The following FOXP1 variants were observed in gnomAD, a reference collection of about 807,000 sequenced individuals.
FOXP1 encodes forkhead box protein P1.
Under a neutral mutation model 98.2 loss-of-function variants are expected in FOXP1, and 15 were observed. That is an observed-to-expected ratio of 0.15 (90% CI 0.10 to 0.24). The LOEUF is 0.24. Among genes scored for constraint, FOXP1 ranks in the 10% least tolerant of loss-of-function variants. The pLI is 1.00. For missense variants in FOXP1, 633 were observed against 848.5 expected, an observed-to-expected ratio of 0.75 and a Z score of 3.15; for synonymous variants, 371 against 314.5, an observed-to-expected ratio of 1.18 and a Z score of -1.90.
At chr3:71,113,309 A>G (rs952240411) in intron 6 of FOXP1, among the ~76,000 whole-genome samples, 1 of 152,188 alleles carries the variant, frequency 6.6e-6, no homozygotes, top group Non-Finnish European at 1.5e-5. Flanking sequence ...GACCCTTTCA[A>G]GCTTACAATA....
chr3:71,352,457 C>A (rs1218032528), intron 4 of FOXP1, among the ~76,000 whole-genome samples: 2 of 107,902 alleles, frequency 1.9e-5, no homozygotes, highest in African/African-American at 3.5e-5. Context: ...GGCAACAGAG[C>A]GAGACTCCAT....
chr3:71,178,481 C>G (rs1641150013), intron 6 of FOXP1, among the ~76,000 whole-genome samples: 1 of 152,150 alleles, frequency 6.6e-6, no homozygotes, highest in Admixed American at 6.5e-5. Flanking sequence ...TGCAGTGGCT[C>G]ACTCATGCCT....
At chr3:71,223,827 C>G (rs1172096112) in intron 5 of FOXP1, among the ~76,000 whole-genome samples, 2 of 152,172 alleles carry the variant, frequency 1.3e-5, no homozygotes, top group South Asian at 4.2e-4. Context: ...CCAGGAGTAC[C>G]CCATTACTGC....
At chr3:71,506,863 G>C (rs958436098) in intron 2 of FOXP1, among the ~76,000 whole-genome samples, 1 of 152,208 alleles carries the variant, frequency 6.6e-6, no homozygotes, top group African/African-American at 2.4e-5. Context: ...ACACTTTACA[G>C]TTTCTCTAAA....
At chr3:71,346,309 T>C (rs972589465) in intron 4 of FOXP1, among the ~76,000 whole-genome samples, 1 of 152,128 alleles carries the variant, frequency 6.6e-6, no homozygotes, top group Non-Finnish European at 1.5e-5. Flanking sequence ...ACTGGAGCCA[T>C]GATATATAAA....
chr3:71,053,919 C>T (rs2050256200), intron 7 of FOXP1, 146 bp from the exon 8 acceptor site: 2 of 836,386 alleles, frequency 2.4e-6, no homozygotes, highest in Non-Finnish European at 4.0e-6. Flanking sequence ...GATGCAGCAA[C>T]AGATCCTATT....
chr3:71,130,866 C>T, intron 6 of FOXP1: 1 of 1,422,702 alleles, frequency 7.0e-7, no homozygotes, highest in Admixed American at 2.9e-5. Flanking sequence ...CTATTAATGC[C>T]ACACATATCT....
In FOXP1 at chr3:70,956,991, C is replaced by G. The variant is rs747314840; in HGVS notation, c.*2256G>C. 9 of 220,104 alleles carry G rather than the reference C, an allele frequency of 4.1e-5. No individual in the cohort carries two copies. The highest frequency in any genetic ancestry group is 7.3e-5 in the Non-Finnish European group (8 of 109,996). The allele number at this position is 220,104 out of a possible 1,614,324, so 13.6% of individuals were successfully genotyped here. On this transcript the variant is annotated 3_prime_UTR_variant, in exon 21 of 21. Transcript: ENST00000649528. ...ATGCCAAGATAAACCAAAATTAATA[C>G]AGTGATCACAGCACAGTTCTTAAAC...
chr3:71,001,191 G>A, intron 12 of FOXP1, 132 bp from the exon 13 acceptor site: 1 of 696,010 alleles, frequency 1.4e-6, no homozygotes, highest in South Asian at 1.5e-5. Flanking sequence ...GGGGTGGCCT[G>A]TCCTTTCCAT....
chr3:70,971,001 T>TCTC (rs1366727785), intron 18 of FOXP1, 196 bp from the exon 19 acceptor site: 2 of 591,146 alleles, frequency 3.4e-6, no homozygotes, highest in Non-Finnish European at 3.0e-6. Context: ...GGGTTGGACT[T>TCTC]CTCTATTCAA....
chr3:71,180,412 A>G (rs1184935994), intron 6 of FOXP1, among the ~76,000 whole-genome samples: 2 of 152,156 alleles, frequency 1.3e-5, no homozygotes, highest in South Asian at 4.1e-4. Flanking sequence ...TTGAGACATG[A>G]AAGTCTTTGC....
At chr3:71,513,831 C>T (rs1040142547) in intron 2 of FOXP1, among the ~76,000 whole-genome samples, 1 of 152,328 alleles carries the variant, frequency 6.6e-6, no homozygotes, top group Admixed American at 6.5e-5. Flanking sequence ...TACCTAATAG[C>T]TGCTGAAATG....
At chr3:71,103,911 C>G (rs1053223138) in intron 7 of FOXP1, among the ~76,000 whole-genome samples, 1 of 151,970 alleles carries the variant, frequency 6.6e-6, no homozygotes, top group African/African-American at 2.4e-5. Context: ...CAACCACAGA[C>G]GAATATTGTG....
At chr3:71,256,956 C>G (rs2068675647) in intron 5 of FOXP1, among the ~76,000 whole-genome samples, 1 of 152,170 alleles carries the variant, frequency 6.6e-6, no homozygotes, top group South Asian at 2.1e-4. Context: ...TCTGTTCATT[C>G]TGAGCTACCA....
chr3:71,494,614 G>C (rs1320255042), intron 2 of FOXP1, among the ~76,000 whole-genome samples: 1 of 152,306 alleles, frequency 6.6e-6, no homozygotes, highest in African/African-American at 2.4e-5. Context: ...GCAGAAATCT[G>C]TCCAGATGTA....
At chr3:71,244,436 T>C (rs2067546242) in intron 5 of FOXP1, among the ~76,000 whole-genome samples, 1 of 148,320 alleles carries the variant, frequency 6.7e-6, no homozygotes, top group African/African-American at 2.5e-5. Context: ...GTTCTGGAGT[T>C]GCAGATAATA....
At chr3:71,265,152 A>T (rs995507234) in intron 5 of FOXP1, among the ~76,000 whole-genome samples, 1 of 152,172 alleles carries the variant, frequency 6.6e-6, no homozygotes, top group Non-Finnish European at 1.5e-5. Flanking sequence ...AAAACAACAC[A>T]TTCTACCTTC....
chr3:71,510,566 A>G (rs2042133269), intron 2 of FOXP1, among the ~76,000 whole-genome samples: 1 of 152,186 alleles, frequency 6.6e-6, no homozygotes. Flanking sequence ...ACACAGGTGC[A>G]GCACAATGGA....
At chr3:71,417,372 A>G (rs935024624) in intron 3 of FOXP1, among the ~76,000 whole-genome samples, 2 of 152,202 alleles carry the variant, frequency 1.3e-5, no homozygotes, top group African/African-American at 4.8e-5. Context: ...CTTGTGGACT[A>G]AGACGTGTAA....
Sources: allele counts gnomAD v4.1 joint callset (sites outside exome capture counted in the v4.1 genomes callset), GRCh38; gene constraint gnomAD v4.1.1; transcripts MANE v1.5; gene names NCBI Gene and HGNC (gene_info 2026-07-23, HGNC 2026-07-21).